The following PTBP2 variants were observed in gnomAD, a reference collection of about 807,000 sequenced individuals.
The protein encoded by PTBP2 is polypyrimidine tract-binding protein 2.
In PTBP2, 13 loss-of-function variants were observed where a neutral mutation model predicts 61.4. That is an observed-to-expected ratio of 0.21 (90% confidence interval 0.14 to 0.34). PTBP2 has a LOEUF of 0.34. Among genes scored for constraint, PTBP2 ranks in the 10% least tolerant of loss-of-function variants. PTBP2 has a pLI of 1.00. For missense variants in PTBP2, 405 were observed against 642.6 expected, an observed-to-expected ratio of 0.63 and a Z score of 4.00; for synonymous variants, 215 against 218.5, an observed-to-expected ratio of 0.98 and a Z score of 0.14.
intron 2 of PTBP2, among the ~76,000 whole-genome samples, chr1:96,738,401 G>C (rs1652526850): frequency 6.6e-6 from 1 of 152,038 alleles, no homozygotes; most frequent in South Asian, 2.1e-4. Context: ...AGCCTCCCGA[G>C]TAGCTGGGAC....
chr1:96,769,978 A>G, intron 4 of PTBP2, 103 bp downstream of exon 4: 1 of 946,586 alleles, frequency 1.1e-6, no homozygotes, highest in East Asian at 2.9e-5. Context: ...TTCTTAAAGA[A>G]CAGAAGTCTT....
chr1:96,752,137 G>T (rs1323365747), intron 3 of PTBP2, among the ~76,000 whole-genome samples: 1 of 151,746 alleles, frequency 6.6e-6, no homozygotes, highest in Non-Finnish European at 1.5e-5. Context: ...TAGTTTTATG[G>T]CTGATGGGCC....
At chr1:96,815,504 A>C (rs190941274), downstream of PTBP2, 12 of 152,324 alleles carry the variant, frequency 7.9e-5, no homozygotes, top group Non-Finnish European at 1.5e-4. Flanking sequence ...AGTTACAATT[A>C]GGGTGCTATT....
intron 2 of PTBP2, among the ~76,000 whole-genome samples, chr1:96,737,017 T>C (rs1296736327): frequency 1.3e-5 from 2 of 151,812 alleles, no homozygotes; most frequent in African/African-American, 4.8e-5. Flanking sequence ...TCTCCCTTTG[T>C]TGCCCAGGCT....
exon 14 of PTBP2, chr1:96,820,295 G>A (rs1368690923): frequency 6.6e-6 from 1 of 151,918 alleles, no homozygotes; most frequent in Non-Finnish European, 1.5e-5. Context: ...TGCTATGTAC[G>A]TTGGACATTT....
At chr1:96,775,390 A>G (rs1264400106) in intron 5 of PTBP2, among the ~76,000 whole-genome samples, 4 of 152,158 alleles carry the variant, frequency 2.6e-5, no homozygotes, top group African/African-American at 4.8e-5. Context: ...AAATCATCCA[A>G]ATGTTCAACA....
chr1:96,800,284 TAGAA>T (rs752063681), intron 8 of PTBP2, among the ~76,000 whole-genome samples: 30 of 152,260 alleles, frequency 2.0e-4, no homozygotes, highest in Non-Finnish European at 3.4e-4. Context: ...ATTACCTCCT[TAGAA>T]AGAGGTAAAT....
At chr1:96,805,239 A>G (rs867717647) in intron 9 of PTBP2, among the ~76,000 whole-genome samples, 2 of 152,120 alleles carry the variant, frequency 1.3e-5, no homozygotes, top group Non-Finnish European at 2.9e-5. Context: ...GTTGTTCTCA[A>G]AGGCAAATGT....
chr1:96,768,165 A>G (rs1199506009), intron 3 of PTBP2, among the ~76,000 whole-genome samples: 1 of 151,990 alleles, frequency 6.6e-6, no homozygotes, highest in Non-Finnish European at 1.5e-5. Context: ...CACAGCATAT[A>G]CCGTAGAAAG....
intron 3 of PTBP2, among the ~76,000 whole-genome samples, chr1:96,760,764 G>A (rs576241220): frequency 1.9e-3 from 287 of 152,100 alleles, no homozygotes; most frequent in Non-Finnish European, 3.1e-3. Context: ...ATTTTCTTAC[G>A]GAGTTAAACA....
chr1:96,806,022 A>G (rs1030535644), intron 9 of PTBP2, among the ~76,000 whole-genome samples: 4 of 152,108 alleles, frequency 2.6e-5, no homozygotes, highest in Non-Finnish European at 5.9e-5. Context: ...TGCATTTCCT[A>G]TGTACTGACC....
chr1:96,813,456 C>T lies in PTBP2; in HGVS notation c.*51C>T. Reference sequence around the variant, plus strand: ...GAATCACATTGTTCAATGTCATCACCTATTTGACTGTTCAGAAAAGTGGGG... The same window carrying T: ...GAATCACATTGTTCAATGTCATCACTTATTTGACTGTTCAGAAAAGTGGGG... On this transcript the variant is annotated 3_prime_UTR_variant, in exon 14 of 14. Coordinates refer to ENST00000674951, the MANE Select transcript of PTBP2 (RefSeq NM_021190.4). The T allele has an allele frequency of 6.9e-7, 1 of 1,439,066 alleles. No individual in the cohort carries two copies. Among genetic ancestry groups the T allele is most frequent in the East Asian group, 2.5e-5 (1 of 40,278 alleles). The allele number at this position is 1,439,066 out of a possible 1,614,324, so 89.1% of individuals were successfully genotyped here.
chr1:96,756,233 T>C (rs1001568642), intron 3 of PTBP2, among the ~76,000 whole-genome samples: 4 of 152,152 alleles, frequency 2.6e-5, no homozygotes, highest in Non-Finnish European at 5.9e-5. Context: ...ACCCGATCTC[T>C]ACTAAAAAAT....
At chr1:96,804,703 A>T in intron 8 of PTBP2, 97 bp from the exon 9 acceptor site, 2 of 1,233,948 alleles carry the variant, frequency 1.6e-6, no homozygotes, top group Admixed American at 4.5e-5. Context: ...GTCAGCCGTA[A>T]GCCATGCAGC....
chr1:96,749,854 C>T (rs569522057), intron 2 of PTBP2, among the ~76,000 whole-genome samples: 1 of 152,210 alleles, frequency 6.6e-6, no homozygotes, highest in East Asian at 1.9e-4. Context: ...CCCTGTTTTA[C>T]AAATAAAGAA....
intron 2 of PTBP2, among the ~76,000 whole-genome samples, chr1:96,734,430 A>G (rs1036061975): frequency 6.6e-6 from 1 of 152,058 alleles, no homozygotes; most frequent in Non-Finnish European, 1.5e-5. Flanking sequence ...TAAAATTTCT[A>G]ATTGTCTCAT....
At chr1:96,751,619 T>C in intron 3 of PTBP2, 119 bp downstream of exon 3, 1 of 695,114 alleles carries the variant, frequency 1.4e-6, no homozygotes. Context: ...GTTGAAACAT[T>C]TTAGAGTAAA....
chr1:96,721,818 G>T lies in PTBP2; in HGVS notation c.-47G>T, dbSNP rs776156545. The T allele has an allele frequency of 1.9e-6, 3 of 1,554,182 alleles. No homozygotes were observed. In the South Asian group the frequency reaches 3.6e-5, roughly 18 times the overall value. ...TTTCTCGCCGCTTGTGTGGCTCGCT[G>T]GCTGCGTGGCTCGGTTCTTGTGAGC... On this transcript the variant is annotated 5_prime_UTR_variant, in exon 1 of 14. Transcript: ENST00000674951.
intron 8 of PTBP2, among the ~76,000 whole-genome samples, chr1:96,792,720 C>CGG (rs1659984339): frequency 6.6e-6 from 1 of 151,678 alleles, no homozygotes; most frequent in South Asian, 2.1e-4. Context: ...GGGTACAAAA[C>CGG]GGGTAGATAT....
Sources: allele counts gnomAD v4.1 joint callset (sites outside exome capture counted in the v4.1 genomes callset), GRCh38; gene constraint gnomAD v4.1.1; transcripts MANE v1.5; gene names NCBI Gene and HGNC (gene_info 2026-07-23, HGNC 2026-07-21).